The following PDZD4 variants were observed in gnomAD, a reference collection of about 807,000 sequenced individuals.
PDZD4 encodes PDZ domain containing 4, also known as PDZ domain-containing protein 4.
A neutral mutation model predicts 38.5 loss-of-function variants in PDZD4; 9 were observed. That is an observed-to-expected ratio of 0.23 (90% CI 0.14 to 0.41). PDZD4 has a LOEUF of 0.41. Among genes scored for constraint, PDZD4 ranks in the 10% least tolerant of loss-of-function variants. The pLI, the probability that PDZD4 is intolerant of heterozygous loss-of-function variation, is 1.00. For synonymous variants in PDZD4, 349 were observed against 315.7 expected (o/e 1.11, Z -1.12); for missense variants, 612 against 722.0 (o/e 0.85, Z 1.75).
chrX:153,804,986 A>G (rs782717097), intron 7 of PDZD4, 86 bp from the exon 8 acceptor site: 1 of 1,123,215 alleles, frequency 8.9e-7, no homozygotes, highest in South Asian at 2.0e-5. Context: ...AAGGGGCTTC[A>G]GGCCTGGTTC....
intron 1 of PDZD4, among the ~76,000 whole-genome samples, chrX:153,814,919 C>T (rs2064346451): frequency 1.8e-5 from 2 of 112,469 alleles, no homozygotes; most frequent in African/African-American, 6.4e-5. Flanking sequence ...TCCTCCATCA[C>T]GTGCTAGCAC....
intron 1 of PDZD4, among the ~76,000 whole-genome samples, chrX:153,819,112 ACGG>A (rs2064393629): frequency 8.9e-6 from 1 of 112,639 alleles, no homozygotes; most frequent in Non-Finnish European, 1.9e-5. Context: ...GCGCGCCGCG[ACGG>A]CGGCGGGGTG....
rs781980103 is a variant in PDZD4 at position 153,803,866 on chromosome X, G to A, written c.1815C>T (p.Gly605=). 8.4e-7 allele frequency: 1 copy of A among 1,187,831 alleles called. No individual in the cohort carries two copies. The highest frequency in any genetic ancestry group is 3.0e-5 in the East Asian group (1 of 33,355). Residue 605 remains glycine, a synonymous_variant, in exon 8 of 8, where the codon GGC becomes GGT. Transcript: ENST00000393758. ...PTRGLEELGH[G]PLSLAGGPRV... ...GAGGGCCACCGGCCAAGCTCAGGGG[G>A]CCGTGGCCCAGCTCCTCCAGGCCTC...
intron 1 of PDZD4, among the ~76,000 whole-genome samples, chrX:153,812,853 G>A (rs1443032104): frequency 3.7e-5 from 4 of 108,981 alleles, no homozygotes; most frequent in South Asian, 8.4e-4. Flanking sequence ...TAGCACACTG[G>A]TAAAGCCACC....
chrX:153,820,899 T>C (rs2064416713), intron 1 of PDZD4, among the ~76,000 whole-genome samples: 1 of 111,951 alleles, frequency 8.9e-6, no homozygotes. Flanking sequence ...AAAGACGCAG[T>C]TTCCCTTCCT....
chrX:153,806,755 A>G lies in PDZD4; in HGVS notation c.491T>C (p.Ile164Thr). 8.3e-7 allele frequency: 1 copy of G among 1,210,217 alleles called. No homozygotes were observed. Among genetic ancestry groups the G allele is most frequent in the Non-Finnish European group, 1.1e-6 (1 of 894,797 alleles). The change falls in exon 4 of 8, where the codon ATT becomes ACT. Residue 164 changes from isoleucine (I) to threonine (T), a missense_variant. This residue lies in a region of PDZD4 where 225 missense variants were observed against 311.0 expected (regional missense o/e 0.72). Coordinates refer to ENST00000393758, the MANE Select transcript of PDZD4 (RefSeq NM_001303512.2). ...YRTDDEEDLG[I>T]YVGEVNPNSI... ...CCGTCTGCATACCTCTCCGACATAA[A>G]TGCCCAGGTCCTCCTCGTCGTCCGT... is the stretch of plus-strand genomic sequence containing the variant.
At chrX:153,817,843 A>C (rs1430767686) in intron 1 of PDZD4, among the ~76,000 whole-genome samples, 1 of 112,304 alleles carries the variant, frequency 8.9e-6, no homozygotes, top group Non-Finnish European at 1.9e-5. Context: ...AGGCATGTGG[A>C]CATCTCCAGT....
Position 153,804,865 on chromosome X carries a change from G to A in PDZD4, c.816C>T (p.Ala272=). 5 of 1,209,802 alleles carry A rather than the reference G, an allele frequency of 4.1e-6. No homozygotes were observed. In the East Asian group the frequency reaches 1.2e-4, roughly 29 times the overall value. ...GNEEEKGAPD[A]GPGLSNSQEL... is the part of the protein sequence containing the mutation. The stretch of plus-strand genomic sequence containing the variant: ...CCTGGCTGTTGCTCAGGCCTGGGCC[G>A]GCATCGGGAGCCCCCTTCTCCTCTT... Residue 272 remains alanine, a synonymous_variant, in exon 8 of 8, where the codon GCC becomes GCT. Transcript: ENST00000393758.
Position 153,803,267 on chromosome X carries a change from A to T in PDZD4, c.*86T>A. ...ACAGCGAGCACGCGCGCGCGCACACACACACACACACAATCTCTATAGGAG... is the reference window on the plus strand; with the variant it reads ...ACAGCGAGCACGCGCGCGCGCACACTCACACACACACAATCTCTATAGGAG... On this transcript the variant is annotated 3_prime_UTR_variant, in exon 8 of 8. Transcript: ENST00000393758. 1.3e-6 allele frequency: 1 copy of T among 777,285 alleles called. No homozygotes were observed. Among genetic ancestry groups the T allele is most frequent in the Non-Finnish European group, 1.7e-6 (1 of 576,920 alleles). The allele number at this position is 777,285 out of a possible 1,213,427, so 64.1% of individuals were successfully genotyped here. A position where few individuals can be genotyped will look rare whatever the true frequency, so the allele number is the denominator to read the frequency against.
At position 153,803,063 on chromosome X, in the gene PDZD4, A is replaced by C; in HGVS notation, c.*290T>G. The C allele has an allele frequency of 4.3e-6, 1 of 232,037 alleles. No individual in the cohort carries two copies. Among genetic ancestry groups the C allele is most frequent in the Non-Finnish European group, 7.8e-6 (1 of 128,792 alleles). The allele number at this position is 232,037 out of a possible 1,213,427, so 19.1% of individuals were successfully genotyped here. ...GCAAGCACACGCAAGAGCATGGGGG[A>C]TGGGGAATGCACACGCACAGCTGAA... is the stretch of plus-strand genomic sequence containing the variant. On this transcript the variant is annotated 3_prime_UTR_variant, in exon 8 of 8. Coordinates refer to ENST00000393758, the MANE Select transcript of PDZD4 (RefSeq NM_001303512.2).
At chrX:153,817,684 C>G (rs2064377275) in intron 1 of PDZD4, among the ~76,000 whole-genome samples, 1 of 112,219 alleles carries the variant, frequency 8.9e-6, no homozygotes, top group African/African-American at 3.2e-5. Flanking sequence ...TTATGCGTAT[C>G]TTACCACAAG....
chrX:153,829,588 C>A, intron 1 of PDZD4: 1 of 405,300 alleles, frequency 2.5e-6, no homozygotes, highest in Non-Finnish European at 3.1e-6. Flanking sequence ...TTCCGGGCCG[C>A]GGGGCTGGGC....
In PDZD4 at chrX:153,804,128, GC is replaced by G; in HGVS notation, c.1552del (p.Ala518ProfsTer43). 1 of 1,149,292 alleles carries G rather than the reference GC, an allele frequency of 8.7e-7. No homozygotes were observed. The highest frequency in any genetic ancestry group is 1.2e-6 in the Non-Finnish European group (1 of 867,465). 94.7% of individuals were successfully genotyped at this position (1,149,292 alleles called of 1,213,427 possible). ...TGGAGGAGCTGCCTTGGCGGGGGTG[GC>G]AACAGCGGGGCCGGGAGGGGTCCGG... ...LNRTPPGPAVATPAKAAPPPG... is the reference protein window; with the variant it reads ...LNRTPPGPAVXTPAKAAPPPG... On this transcript the variant is annotated frameshift_variant, in exon 8 of 8. Coordinates refer to ENST00000393758, the MANE Select transcript of PDZD4 (RefSeq NM_001303512.2). LOFTEE classifies it high-confidence loss of function.
intron 1 of PDZD4, among the ~76,000 whole-genome samples, chrX:153,811,919 T>G (rs1464133035): frequency 8.9e-6 from 1 of 112,271 alleles, no homozygotes; most frequent in Non-Finnish European, 1.9e-5. Flanking sequence ...TAGAGCCAAC[T>G]GAAGCTGGGA....
At chrX:153,805,398 C>CCACAAA in intron 6 of PDZD4, 107 bp downstream of exon 6, 1 of 553,481 alleles carries the variant, frequency 1.8e-6, no homozygotes, top group Non-Finnish European at 3.0e-6. Flanking sequence ...ACCCGCCCTC[C>CCACAAA]ATCAACTCCA....
chrX:153,821,555 T>C (rs1176836387), intron 1 of PDZD4, among the ~76,000 whole-genome samples: 1 of 110,585 alleles, frequency 9.0e-6, no homozygotes, highest in African/African-American at 3.3e-5. Flanking sequence ...CTACTCCCGG[T>C]CCCTACCCAA....
rs201166170 is a variant in PDZD4 at position 153,805,159 on chromosome X, A to G, written c.718T>C (p.Phe240Leu). ...DSDRDDFLDD[F>L]GSENEGELRA... ...AGCTCCCCCTCATTCTCAGAGCCAA[A>G]GTCATCCAGGAAGTCATCCCGGTCG... Residue 240 changes from phenylalanine to leucine, a missense_variant, in exon 7 of 8, where the codon TTT (phenylalanine) becomes CTT (leucine). Phe to Leu is a conservative substitution (Grantham distance 22, BLOSUM62 0). Coordinates refer to ENST00000393758, the MANE Select transcript of PDZD4 (RefSeq NM_001303512.2). 1.8e-5 allele frequency: 22 copies of G among 1,209,657 alleles called. No individual in the cohort carries two copies. Among genetic ancestry groups the G allele is most frequent in the Non-Finnish European group, 1.3e-5 (12 of 895,025 alleles).
At chrX:153,805,399 AT>A in intron 6 of PDZD4, 105 bp downstream of exon 6, 1 of 254,679 alleles carries the variant, frequency 3.9e-6, no homozygotes, top group Admixed American at 4.8e-5. Context: ...CCCGCCCTCC[AT>A]CAACTCCAGG....
At chrX:153,821,956 G>A (rs1020902145) in intron 1 of PDZD4, among the ~76,000 whole-genome samples, 3 of 110,716 alleles carry the variant, frequency 2.7e-5, no homozygotes, top group African/African-American at 9.9e-5. Context: ...TTGGGAGGCC[G>A]AGGCAGGCGG....
Sources: allele counts gnomAD v4.1 joint callset (sites outside exome capture counted in the v4.1 genomes callset), GRCh38; gene constraint gnomAD v4.1.1; regional missense constraint gnomAD v4.1.1; transcripts MANE v1.5; gene names NCBI Gene and HGNC (gene_info 2026-07-23, HGNC 2026-07-21).